Variants in SLC2A9 observed in about 807,000 individuals in gnomAD.
The protein encoded by SLC2A9 is solute carrier family 2 member 9.
SLC2A9 carries 39 observed loss-of-function variants against 50.6 expected under a neutral mutation model. The observed-to-expected ratio is 0.77, with a 90% CI of 0.60 to 1.01. SLC2A9 has a LOEUF of 1.01. Ranked by LOEUF, SLC2A9 falls within the 50% of genes least tolerant of loss-of-function variation. The pLI is 0.00. For missense variants in SLC2A9, 686 were observed against 677.6 expected (o/e 1.01, Z -0.14); for synonymous variants, 324 against 276.9 (o/e 1.17, Z -1.69).
intron 2 of SLC2A9, among the ~76,000 whole-genome samples, chr4:10,017,430 T>G (rs1208181546): frequency 1.3e-5 from 2 of 152,208 alleles, no homozygotes; most frequent in East Asian, 3.8e-4. Context: ...AATGACAAAA[T>G]CAAAGATCAC....
At chr4:9,931,301 G>T (rs112060459) in intron 6 of SLC2A9, among the ~76,000 whole-genome samples, 10 of 152,210 alleles carry the variant, frequency 6.6e-5, no homozygotes, top group Admixed American at 5.9e-4. Context: ...TAACTCCAAA[G>T]AACTTGAAAG....
At chr4:10,005,689 G>A (rs1760671522) in intron 2 of SLC2A9, among the ~76,000 whole-genome samples, 1 of 152,198 alleles carries the variant, frequency 6.6e-6, no homozygotes, top group Non-Finnish European at 1.5e-5. Context: ...AGGCTACATG[G>A]TTAAAGCAAA....
At chr4:9,796,272 C>G (rs1251998883), downstream of SLC2A9, among the ~76,000 whole-genome samples, 1 of 152,178 alleles carries the variant, frequency 6.6e-6, no homozygotes, top group East Asian at 1.9e-4. Context: ...AGCGCATTTG[C>G]CTGACCTTAA....
At chr4:9,951,252 T>C (rs1750199823) in intron 5 of SLC2A9, among the ~76,000 whole-genome samples, 1 of 152,168 alleles carries the variant, frequency 6.6e-6, no homozygotes, top group Non-Finnish European at 1.5e-5. Context: ...AGACAAATAT[T>C]GCATGTTCTC....
At chr4:10,036,319 CAAA>C (rs906409994) in intron 1 of SLC2A9, among the ~76,000 whole-genome samples, 1 of 149,662 alleles carries the variant, frequency 6.7e-6, no homozygotes, top group Non-Finnish European at 1.5e-5. Flanking sequence ...TGAAATTGAC[CAAA>C]AAAAAAGAAT....
chr4:9,966,532 T>C (rs979477288), intron 5 of SLC2A9, among the ~76,000 whole-genome samples: 5 of 149,250 alleles, frequency 3.4e-5, no homozygotes, highest in African/African-American at 1.3e-4. Context: ...GGTGGATGCC[T>C]GTAGTCCCAG....
chr4:9,863,708 CTT>C (rs10530926), intron 10 of SLC2A9, among the ~76,000 whole-genome samples: 40,757 of 151,876 alleles, frequency 0.27, 6,108 homozygotes, highest in Admixed American at 0.39. Flanking sequence ...GCTGACCACT[CTT>C]TTGCTCGCTA....
chr4:9,792,652 C>T (rs1174653604), intron 3 of SLC2A9: 1 of 152,260 alleles, frequency 6.6e-6, no homozygotes, highest in Non-Finnish European at 1.5e-5. Flanking sequence ...TGTACACACA[C>T]TCCACAGGCA....
chr4:9,876,300 C>T (rs1398764851), intron 10 of SLC2A9, among the ~76,000 whole-genome samples: 2 of 152,210 alleles, frequency 1.3e-5, no homozygotes, highest in Non-Finnish European at 2.9e-5. Context: ...AGTCCATTCA[C>T]AGAACTGCTT....
At chr4:9,796,403 G>A (rs556255403), downstream of SLC2A9, among the ~76,000 whole-genome samples, 1 of 152,290 alleles carries the variant, frequency 6.6e-6, no homozygotes. Context: ...GATGCAGGAA[G>A]TGAGGAGGAA....
intron 10 of SLC2A9, among the ~76,000 whole-genome samples, chr4:9,880,911 G>C (rs1481556591): frequency 1.3e-5 from 2 of 152,166 alleles, no homozygotes; most frequent in Non-Finnish European, 2.9e-5. Flanking sequence ...TCTCACTGCA[G>C]GTCTGCCCTG....
intron 10 of SLC2A9, among the ~76,000 whole-genome samples, chr4:9,843,802 A>C (rs1364555318): frequency 2.0e-5 from 3 of 152,188 alleles, no homozygotes; most frequent in Non-Finnish European, 4.4e-5. Context: ...TTCCAGGAGA[A>C]TATTCATCCT....
At chr4:9,907,307 A>G (rs1740861879) in intron 8 of SLC2A9, among the ~76,000 whole-genome samples, 1 of 152,252 alleles carries the variant, frequency 6.6e-6, no homozygotes, top group Admixed American at 6.5e-5. Context: ...TGCACTGCTC[A>G]GTGCTACACA....
intron 5 of SLC2A9, 31 bp downstream of exon 5, chr4:9,980,556 GAGAGC>G (rs746298037): frequency 6.2e-6 from 10 of 1,613,546 alleles, no homozygotes; most frequent in Non-Finnish European, 8.5e-6. Flanking sequence ...AACATGAGAT[GAGAGC>G]AGATGCGGTT....
At chr4:9,990,525 C>A (rs536595352) in intron 3 of SLC2A9, among the ~76,000 whole-genome samples, 54 of 152,138 alleles carry the variant, frequency 3.5e-4, no homozygotes, top group African/African-American at 1.3e-3. Context: ...TCAGAGAAGG[C>A]CAATATTTAG....
At chr4:9,838,782 G>A (rs62295689) in intron 10 of SLC2A9, among the ~76,000 whole-genome samples, 15,122 of 152,092 alleles carry the variant, frequency 0.099, 827 homozygotes, top group Non-Finnish European at 0.11. Context: ...AATGTTGTTG[G>A]GATAAATGGC....
intron 10 of SLC2A9, chr4:9,880,515 A>T: frequency 2.0e-6 from 2 of 985,338 alleles, no homozygotes; most frequent in Non-Finnish European, 2.4e-6. Flanking sequence ...CAGAATCAGG[A>T]TCATTGCAAA....
At chr4:9,892,616 T>A (rs1302610462) in intron 8 of SLC2A9, among the ~76,000 whole-genome samples, 5 of 152,190 alleles carry the variant, frequency 3.3e-5, no homozygotes, top group Non-Finnish European at 7.4e-5. Context: ...AAAATGAGAA[T>A]GATAATACCA....
chr4:10,014,459 T>TA (rs1233193351), intron 2 of SLC2A9, among the ~76,000 whole-genome samples: 1 of 152,188 alleles, frequency 6.6e-6, no homozygotes, highest in African/African-American at 2.4e-5. Context: ...AGCCTGCTCA[T>TA]AGCCTGGGTG....
Sources: gnomAD v4.1 joint callset for allele counts (sites outside exome capture counted in the v4.1 genomes callset) on GRCh38, gnomAD v4.1.1 for gene constraint, MANE v1.5 for transcripts, NCBI Gene and HGNC (gene_info 2026-07-23, HGNC 2026-07-21) for gene names.